The following GAS2 variants were observed in gnomAD, a reference collection of about 807,000 sequenced individuals.
GAS2 encodes the protein growth arrest-specific protein 2.
A neutral mutation model predicts 37.5 loss-of-function variants in GAS2; 20 were observed. That is an observed-to-expected ratio of 0.53 (90% CI 0.37 to 0.77). The LOEUF is 0.77. Ranked by LOEUF, GAS2 falls within the 30% of genes least tolerant of loss-of-function variation. GAS2 has a pLI of 0.00. For synonymous variants in GAS2, 144 were observed against 132.2 expected, an observed-to-expected ratio of 1.09 and a Z score of -0.61; for missense variants, 336 against 373.4, an observed-to-expected ratio of 0.90 and a Z score of 0.82.
intron 3 of GAS2, among the ~76,000 whole-genome samples, chr11:22,722,074 G>A (rs1590709040): frequency 6.6e-6 from 1 of 152,024 alleles, no homozygotes; most frequent in South Asian, 2.1e-4. Flanking sequence ...AGCATGAAGG[G>A]AAATATAGCT....
rs535417864 is a variant in GAS2, at chr11:22,672,231, A to G, written c.-20-2619A>G. Among the ~76,000 whole-genome samples, 340 of 152,306 alleles carry G rather than the reference A, an allele frequency of 2.2e-3. 2 individuals carry two copies. Among genetic ancestry groups the G allele is most frequent in the Middle Eastern group, 0.01 (3 of 294 alleles). ...CCACTAAAATTTTGACTGTATACAA[A>G]GTAACAAAATAAAAATTGCTTAATT... On this transcript the variant is annotated intron_variant, in intron 1 of 7. Transcript: ENST00000454584.
intron 3 of GAS2, 44 bp downstream of exon 3, chr11:22,685,833 C>G: frequency 6.4e-7 from 1 of 1,569,540 alleles, no homozygotes; most frequent in Non-Finnish European, 8.6e-7. Context: ...TGGTAGATTA[C>G]ATTTATAATT....
intron 7 of GAS2, among the ~76,000 whole-genome samples, chr11:22,783,132 C>G (rs183688513): frequency 6.6e-6 from 1 of 152,224 alleles, no homozygotes; most frequent in Non-Finnish European, 1.5e-5. Context: ...CATAACAAAG[C>G]CATTCTGACT....
intron 6 of GAS2, among the ~76,000 whole-genome samples, chr11:22,753,947 T>G (rs1441995143): frequency 6.6e-6 from 1 of 152,112 alleles, no homozygotes; most frequent in African/African-American, 2.4e-5. Flanking sequence ...TGATGTGCTC[T>G]TTATTCAACT....
intron 1 of GAS2, among the ~76,000 whole-genome samples, chr11:22,649,399 C>G (rs1214896741): frequency 8.6e-5 from 13 of 151,762 alleles, no homozygotes; most frequent in Admixed American, 7.9e-4. Flanking sequence ...GTGTCTCTGC[C>G]CGGCTTTGGT....
intron 7 of GAS2, among the ~76,000 whole-genome samples, chr11:22,784,703 G>A (rs1359755962): frequency 6.6e-6 from 1 of 152,076 alleles, no homozygotes; most frequent in South Asian, 2.1e-4. Context: ...CCTCCAATAT[G>A]AGCCTCAGAA....
Position 22,749,164 on chromosome 11 carries a change from T to C in GAS2, c.518T>C (p.Ile173Thr). The change falls in exon 6 of 8, where the codon ATT becomes ACT. Residue 173 changes from isoleucine (I) to threonine (T), a missense_variant. Coordinates refer to ENST00000454584, the MANE Select transcript of GAS2 (RefSeq NM_001143830.3). ...GGTTTGATAAAGCTGGAAAAAGAGA[T>C]TGAACAAGAAGAAACACTTTCTGCC... ...PPGLIKLEKE[I>T]EQEETLSAPS... The C allele has an allele frequency of 1.2e-6, 2 of 1,612,598 alleles. No individual in the cohort carries two copies. The highest frequency in any genetic ancestry group is 2.2e-5 in the South Asian group (2 of 91,016).
intron 3 of GAS2, among the ~76,000 whole-genome samples, chr11:22,686,765 A>T (rs1849979823): frequency 6.6e-6 from 1 of 151,960 alleles, no homozygotes; most frequent in Non-Finnish European, 1.5e-5. Context: ...ATAATAAAAT[A>T]AAAATGTTGA....
intron 1 of GAS2, among the ~76,000 whole-genome samples, chr11:22,648,830 GT>G (rs1364511751): frequency 1.3e-5 from 2 of 152,174 alleles, no homozygotes; most frequent in East Asian, 3.9e-4. Flanking sequence ...AGATAATGGG[GT>G]TTTCTAGATA....
chr11:22,655,095 C>G (rs890469941), intron 1 of GAS2, among the ~76,000 whole-genome samples: 2 of 152,132 alleles, frequency 1.3e-5, no homozygotes, highest in African/African-American at 4.8e-5. Flanking sequence ...CCTTCATGTT[C>G]TGAACTCCTA....
intron 1 of GAS2, among the ~76,000 whole-genome samples, chr11:22,652,795 G>A (rs1285298766): frequency 3.9e-5 from 6 of 152,134 alleles, no homozygotes; most frequent in African/African-American, 9.7e-5. Flanking sequence ...CACGGTGCGC[G>A]CACCCACTGA....
rs557658545 is a variant in GAS2 at position 22,713,092 on chromosome 11, A to C, written c.268-13200A>C. Among the ~76,000 whole-genome samples the C allele has an allele frequency of 4.3e-4, 65 of 151,344 alleles. No individual in the cohort carries two copies. In the South Asian group the frequency reaches 0.013, roughly 31 times the overall value. On this transcript the variant is annotated intron_variant, in intron 3 of 7. Coordinates refer to ENST00000454584, the MANE Select transcript of GAS2 (RefSeq NM_001143830.3). ...AAAAAAAAAAAAAAGAAAAGAAAAGAAAGGAAAAAAGAAATACAAAAAACA... is the reference window on the plus strand; with the variant it reads ...AAAAAAAAAAAAAAGAAAAGAAAAGCAAGGAAAAAAGAAATACAAAAAACA...
intron 1 of GAS2, among the ~76,000 whole-genome samples, chr11:22,659,066 T>C (rs994669027): frequency 5.3e-5 from 8 of 152,204 alleles, no homozygotes; most frequent in African/African-American, 1.9e-4. Context: ...AAGGAGTAGA[T>C]GTGTGAACTT....
chr11:22,793,475 C>T (rs1856276536), intron 7 of GAS2, among the ~76,000 whole-genome samples: 1 of 151,956 alleles, frequency 6.6e-6, no homozygotes, highest in South Asian at 2.1e-4. Flanking sequence ...GATTGAGAAA[C>T]ACAGAGTTAG....
intron 1 of GAS2, among the ~76,000 whole-genome samples, chr11:22,668,569 G>C (rs1849079685): frequency 6.6e-6 from 1 of 151,632 alleles, no homozygotes; most frequent in South Asian, 2.1e-4. Context: ...TATTTCACCA[G>C]GTGCAAAAGG....
chr11:22,642,753 A>G (rs1848644521), intron 1 of GAS2, among the ~76,000 whole-genome samples: 1 of 151,972 alleles, frequency 6.6e-6, no homozygotes, highest in African/African-American at 2.4e-5. Flanking sequence ...TCTATCCACT[A>G]AAAAAAATGA....
intron 1 of GAS2, chr11:22,668,303 A>G (rs1449075609): frequency 6.6e-6 from 1 of 152,470 alleles, no homozygotes; most frequent in African/African-American, 2.4e-5. Context: ...TCTCTCCAAC[A>G]TGGGTGTCTG....
At chr11:22,696,968 T>C (rs2133999422) in intron 3 of GAS2, among the ~76,000 whole-genome samples, 1 of 149,894 alleles carries the variant, frequency 6.7e-6, no homozygotes, top group East Asian at 2.0e-4. Flanking sequence ...TTTGTCAATT[T>C]TGGCTTTTGT....
intron 1 of GAS2, among the ~76,000 whole-genome samples, chr11:22,670,133 C>T (rs1043673823): frequency 8.5e-5 from 13 of 152,050 alleles, no homozygotes; most frequent in Admixed American, 4.6e-4. Flanking sequence ...TAAAAGGTAA[C>T]GTGATTGACC....
Sources: allele counts gnomAD v4.1 joint callset (sites outside exome capture counted in the v4.1 genomes callset), GRCh38; gene constraint gnomAD v4.1.1; transcripts MANE v1.5; gene names NCBI Gene and HGNC (gene_info 2026-07-23, HGNC 2026-07-21).